NOC3L: variants seen among roughly 807,000 people sequenced by gnomAD.
The protein encoded by NOC3L is nucleolar complex protein 3 homolog.
Under a neutral mutation model 102.5 loss-of-function variants are expected in NOC3L, and 85 were observed. The observed-to-expected ratio is 0.83, with a 90% CI of 0.70 to 0.99. The LOEUF (loss-of-function observed/expected upper bound fraction) is 0.99. Among genes scored for constraint, NOC3L ranks in the 50% least tolerant of loss-of-function variants. The pLI, the probability that NOC3L is intolerant of heterozygous loss-of-function variation, is 0.00. For synonymous variants in NOC3L, 303 were observed against 309.4 expected (o/e 0.98, Z 0.22); for missense variants, 878 against 914.9 (o/e 0.96, Z 0.52).
At chr10:94,350,716 CA>C (rs201167962) in intron 8 of NOC3L, among the ~76,000 whole-genome samples, 2,562 of 62,570 alleles carry the variant, frequency 0.041, 24 homozygotes, top group East Asian at 0.1. Context: ...GACATCGTCT[CA>C]AAAAAAAAAA....
intron 18 of NOC3L, among the ~76,000 whole-genome samples, 194 bp downstream of exon 18, chr10:94,338,414 A>C (rs954712419): frequency 6.6e-6 from 1 of 152,226 alleles, no homozygotes; most frequent in African/African-American, 2.4e-5. Context: ...GCTTCCTTAG[A>C]AAATGTACCT....
chr10:94,328,972 G>A (rs572977380), downstream of NOC3L: 13 of 152,212 alleles, frequency 8.5e-5, no homozygotes, highest in South Asian at 1.2e-3. Flanking sequence ...TTGAGTTGGC[G>A]TTTAAATTTA....
At chr10:94,318,958 G>C in the NOC3L span, among the ~76,000 whole-genome samples, 1 of 152,198 alleles carries the variant, frequency 6.6e-6, no homozygotes, top group Non-Finnish European at 1.5e-5. Flanking sequence ...TGAGGCAGGA[G>C]AATCACTTGA....
chr10:94,352,258 T>A, intron 8 of NOC3L, 52 bp downstream of exon 8: 5 of 1,248,484 alleles, frequency 4.0e-6, no homozygotes, highest in Non-Finnish European at 5.8e-6. Flanking sequence ...AGAATTCACC[T>A]TCATGATCAA....
the NOC3L span, chr10:94,324,716 T>A: frequency 1.0e-6 from 1 of 982,820 alleles, no homozygotes; most frequent in Non-Finnish European, 1.6e-6. Context: ...TTGTTTTCAC[T>A]GTGTGAAAAA....
At position 94,341,751 on chromosome 10, in the gene NOC3L, A is replaced by G; in HGVS notation, c.1572-6T>C. 1 of 1,530,022 alleles carries G rather than the reference A, an allele frequency of 6.5e-7. No homozygotes were observed. The highest frequency in any genetic ancestry group is 8.8e-7 in the Non-Finnish European group (1 of 1,132,626). 94.8% of individuals were successfully genotyped at this position (1,530,022 alleles called of 1,614,324 possible). On this transcript the variant is annotated splice_polypyrimidine_tract_variant and splice_region_variant and intron_variant, in intron 13 of 20. Coordinates refer to ENST00000371361, the MANE Select transcript of NOC3L (RefSeq NM_022451.11). Reference sequence around the variant, plus strand: ...CATTTATAAGGTGAGCAAACCTGGAATCAAACAAAACAGTTAATCAGTGAA... The same window carrying G: ...CATTTATAAGGTGAGCAAACCTGGAGTCAAACAAAACAGTTAATCAGTGAA...
intron 14 of NOC3L, among the ~76,000 whole-genome samples, 176 bp downstream of exon 14, chr10:94,341,497 G>A (rs532541052): frequency 1.3e-5 from 2 of 150,472 alleles, no homozygotes; most frequent in Non-Finnish European, 2.9e-5. Context: ...GGTTGAAAAC[G>A]TTCTACATCT....
chr10:94,340,861 G>A (rs11187885), intron 14 of NOC3L, among the ~76,000 whole-genome samples: 1 of 151,372 alleles, frequency 6.6e-6, no homozygotes, highest in Non-Finnish European at 1.5e-5. Context: ...GGCGCCTGTA[G>A]TCCCAGCTAC....
At chr10:94,325,079 G>A in the NOC3L span, 1 of 1,613,902 alleles carries the variant, frequency 6.2e-7, no homozygotes, top group African/African-American at 1.3e-5. Context: ...TACCGACAGT[G>A]ACTAAGGGCA....
rs1554923011 is a variant in NOC3L, at chr10:94,340,510, A to AAG, written c.1645-15_1645-14insCT. Reference sequence around the variant, plus strand: ...ATAGCTTAGGTCCTTTAAAAAAAAAAGGGGGGGGTGAGGGGGATGGAATAT... The same window carrying AAG: ...ATAGCTTAGGTCCTTTAAAAAAAAAAAGGGGGGGGGTGAGGGGGATGGAATAT... On this transcript the variant is annotated splice_polypyrimidine_tract_variant and intron_variant, in intron 14 of 20. Transcript: ENST00000371361. 7.0e-6 allele frequency: 5 copies of AAG among 716,390 alleles called. No individual in the cohort carries two copies. Among genetic ancestry groups the AAG allele is most frequent in the South Asian group, 3.2e-5 (2 of 63,270 alleles). The allele number at this position is 716,390 out of a possible 1,614,324, so 44.4% of individuals were successfully genotyped here.
At position 94,361,623 on chromosome 10, in the gene NOC3L, TA is replaced by T. The variant is rs773987305; in HGVS notation, c.217+41del. ...TATTTCCATGAAGAACACTTCAGAA[TA>T]AATCAATGGAAACCAGAGCACATGA... On this transcript the variant is annotated intron_variant, in intron 2 of 20. Transcript: ENST00000371361. 10 of 1,571,300 alleles carry T rather than the reference TA, an allele frequency of 6.4e-6. No homozygotes were observed. In the East Asian group the frequency reaches 2.0e-4, roughly 32 times the overall value.
At chr10:94,336,441 G>A (rs2054219200) in intron 19 of NOC3L, among the ~76,000 whole-genome samples, 2 of 151,574 alleles carry the variant, frequency 1.3e-5, no homozygotes, top group Admixed American at 6.6e-5. Flanking sequence ...TCCGCCTCCC[G>A]GGTTCAAGCA....
intron 10 of NOC3L, among the ~76,000 whole-genome samples, chr10:94,347,000 G>A (rs1049967778): frequency 1.3e-5 from 2 of 151,940 alleles, no homozygotes; most frequent in African/African-American, 4.8e-5. Flanking sequence ...GCTGGTCTGG[G>A]GACAAAAATA....
intron 13 of NOC3L, among the ~76,000 whole-genome samples, 171 bp downstream of exon 13, chr10:94,344,244 G>A (rs2054318044): frequency 6.6e-6 from 1 of 152,056 alleles, no homozygotes; most frequent in Non-Finnish European, 1.5e-5. Flanking sequence ...GGTTTGAGAT[G>A]AGAAAATCAA....
chr10:94,357,075 G>A, intron 4 of NOC3L, 99 bp downstream of exon 4: 1 of 893,768 alleles, frequency 1.1e-6, no homozygotes. Context: ...TTCTAGATAT[G>A]GGTAAAATCA....
At chr10:94,352,690 C>T (rs1395158070) in intron 7 of NOC3L, among the ~76,000 whole-genome samples, 1 of 151,976 alleles carries the variant, frequency 6.6e-6, no homozygotes, top group African/African-American at 2.4e-5. Context: ...GGCCTGGTGG[C>T]GCATGCCTGT....
At chr10:94,331,088 GCTT>G (rs1368383973), downstream of NOC3L, 1 of 152,316 alleles carries the variant, frequency 6.6e-6, no homozygotes, top group Admixed American at 6.5e-5. Context: ...GAGGGGTAAA[GCTT>G]CTTTTCATGT....
At chr10:94,328,284 T>C (rs1042966285), downstream of NOC3L, 1 of 205,696 alleles carries the variant, frequency 4.9e-6, no homozygotes, top group Non-Finnish European at 1.0e-5. Flanking sequence ...CCATAAAATA[T>C]GTTGCAACCA....
In NOC3L at chr10:94,334,728, A is replaced by C. The variant is rs1289342523; in HGVS notation, c.2190-10T>G. ...AAGTTCAGTAGCAGATCTAAATCAC[A>C]AACACAAAAAATGTAAAGATACCAC... On this transcript the variant is annotated splice_polypyrimidine_tract_variant and intron_variant, in intron 19 of 20. Transcript: ENST00000371361. 1.9e-6 allele frequency: 3 copies of C among 1,591,882 alleles called. No homozygotes were observed. Among genetic ancestry groups the C allele is most frequent in the East Asian group, 4.5e-5 (2 of 44,694 alleles).
Sources: allele counts gnomAD v4.1 joint callset (sites outside exome capture counted in the v4.1 genomes callset), GRCh38; gene constraint gnomAD v4.1.1; transcripts MANE v1.5; gene names NCBI Gene and HGNC (gene_info 2026-07-23, HGNC 2026-07-21).